Variants in SH3RF3 observed in about 807,000 individuals in gnomAD.
SH3RF3 encodes the protein E3 ubiquitin-protein ligase SH3RF3.
A neutral mutation model predicts 66.3 loss-of-function variants in SH3RF3; 29 were observed. That is an observed-to-expected ratio of 0.44 (90% confidence interval 0.33 to 0.60). SH3RF3 has a LOEUF of 0.60. Among genes scored for constraint, SH3RF3 ranks in the 20% least tolerant of loss-of-function variants. The probability of loss-of-function intolerance (pLI) is 0.04; values close to 1 mark genes in which losing one functional copy is unlikely to be tolerated. For missense variants in SH3RF3, 1,194 were observed against 1,190.9 expected (o/e 1.00, Z -0.04); for synonymous variants, 583 against 532.0 (o/e 1.10, Z -1.32).
intron 5 of SH3RF3, among the ~76,000 whole-genome samples, chr2:109,423,545 G>T (rs1379612244): frequency 6.6e-6 from 1 of 152,208 alleles, no homozygotes; most frequent in African/African-American, 2.4e-5. Context: ...GGCTGGTGCT[G>T]CACTCAGCCT....
chr2:109,271,378 C>T (rs900919231), intron 1 of SH3RF3, among the ~76,000 whole-genome samples: 2 of 152,184 alleles, frequency 1.3e-5, no homozygotes, highest in Admixed American at 1.3e-4. Context: ...AAATCTCAAC[C>T]CAAAAGCTCA....
chr2:109,488,904 G>A (rs535105934), intron 8 of SH3RF3, among the ~76,000 whole-genome samples: 3 of 152,354 alleles, frequency 2.0e-5, no homozygotes, highest in East Asian at 1.9e-4. Flanking sequence ...GCCCAGTAGC[G>A]GAGTCAGGTA....
intron 8 of SH3RF3, among the ~76,000 whole-genome samples, chr2:109,488,681 C>T (rs964744010): frequency 5.9e-5 from 9 of 152,152 alleles, no homozygotes; most frequent in Non-Finnish European, 1.0e-4. Flanking sequence ...CAAGTTGTGC[C>T]GCCAACAAGA....
Position 109,398,542 on chromosome 2 carries a change from A to G in SH3RF3, c.946-48A>G, listed in dbSNP as rs371341519. On this transcript the variant is annotated intron_variant, in intron 3 of 9. Transcript: ENST00000309415. ...GGAGAGTGCAGAGGGCTGGTGTGGC[A>G]TGTGACCATGATTTAATGCAGCCTC... is the stretch of plus-strand genomic sequence containing the variant. The G allele has an allele frequency of 2.0e-5, 29 of 1,473,508 alleles. No homozygotes were observed. The African/African-American group carries it at 3.9e-4, about 20-fold the overall frequency. The allele number at this position is 1,473,508 out of a possible 1,614,324, so 91.3% of individuals were successfully genotyped here.
At chr2:109,158,121 C>G (rs950706462) in intron 1 of SH3RF3, among the ~76,000 whole-genome samples, 3 of 152,104 alleles carry the variant, frequency 2.0e-5, no homozygotes, top group Non-Finnish European at 2.9e-5. Context: ...GGTCCCATAG[C>G]TAGTAAGGTG....
At chr2:109,222,161 C>CAG (rs57580141) in intron 1 of SH3RF3, among the ~76,000 whole-genome samples, 24,589 of 152,030 alleles carry the variant, frequency 0.16, 3,935 homozygotes, top group African/African-American at 0.4. Flanking sequence ...CGCATGAAGA[C>CAG]AGAGTAGAGT....
rs78313179 is a variant in SH3RF3, at chr2:109,442,305, C to T, written c.1828+5159C>T. Among the ~76,000 whole-genome samples the T allele has an allele frequency of 3.8e-3, 515 of 136,244 alleles. 19 individuals carry two copies. The East Asian group carries it at 0.066, about 18-fold the overall frequency. 89.4% of individuals were successfully genotyped at this position (136,244 alleles called of 152,430 possible). ...CAGCCTGGGCAACGGAGTGAGACTC[C>T]ACCTCAAAAAAAAAAAAAAAAGAAA... On this transcript the variant is annotated intron_variant, in intron 7 of 9. Coordinates refer to ENST00000309415, the MANE Select transcript of SH3RF3 (RefSeq NM_001099289.3).
chr2:109,392,888 G>A (rs1676041457), intron 3 of SH3RF3, among the ~76,000 whole-genome samples: 1 of 152,164 alleles, frequency 6.6e-6, no homozygotes. Context: ...AAAGGCTCTT[G>A]GAATGTTCCA....
chr2:109,267,329 AC>A (rs1205608363), intron 1 of SH3RF3, among the ~76,000 whole-genome samples: 1 of 152,144 alleles, frequency 6.6e-6, no homozygotes, highest in Non-Finnish European at 1.5e-5. Context: ...ACACAAGCAT[AC>A]CAGGGGAAGA....
At chr2:109,498,938 G>A (rs951349624) in intron 9 of SH3RF3, among the ~76,000 whole-genome samples, 12 of 152,212 alleles carry the variant, frequency 7.9e-5, no homozygotes, top group Non-Finnish European at 1.3e-4. Context: ...TCGCTAGGGC[G>A]CGGCAGGGCA....
At chr2:109,352,701 C>T (rs1682867037) in intron 2 of SH3RF3, among the ~76,000 whole-genome samples, 1 of 152,270 alleles carries the variant, frequency 6.6e-6, no homozygotes, top group South Asian at 2.1e-4. Flanking sequence ...CTCCTTGCTT[C>T]GTGGATTTCT....
chr2:109,150,467 A>G (rs1159564305), intron 1 of SH3RF3, among the ~76,000 whole-genome samples: 2 of 152,234 alleles, frequency 1.3e-5, no homozygotes, highest in Admixed American at 6.5e-5. Context: ...ATTTCTTAGA[A>G]AAATAGTTTT....
chr2:109,210,788 C>A (rs936753643), intron 1 of SH3RF3, among the ~76,000 whole-genome samples: 5 of 152,154 alleles, frequency 3.3e-5, no homozygotes, highest in Non-Finnish European at 7.4e-5. Flanking sequence ...CTGGCAAGCA[C>A]GACCTATTTC....
chr2:109,379,589 A>G (rs915940669), intron 3 of SH3RF3, among the ~76,000 whole-genome samples: 1 of 152,210 alleles, frequency 6.6e-6, no homozygotes, highest in African/African-American at 2.4e-5. Flanking sequence ...GCTGGGGAAG[A>G]TGCAGTTTTG....
At chr2:109,471,512 A>T (rs1573279879) in intron 8 of SH3RF3, among the ~76,000 whole-genome samples, 1 of 152,130 alleles carries the variant, frequency 6.6e-6, no homozygotes, top group African/African-American at 2.4e-5. Flanking sequence ...TCTTTGACAC[A>T]TGGGGATTAC....
At chr2:109,225,587 C>A (rs937726450) in intron 1 of SH3RF3, among the ~76,000 whole-genome samples, 1 of 152,244 alleles carries the variant, frequency 6.6e-6, no homozygotes, top group Non-Finnish European at 1.5e-5. Flanking sequence ...GCTCCACGTT[C>A]CTCTCTGGGA....
intron 5 of SH3RF3, 42 bp downstream of exon 5, chr2:109,419,684 C>G: frequency 1.3e-6 from 2 of 1,531,380 alleles, no homozygotes; most frequent in South Asian, 1.2e-5. Flanking sequence ...GTGCCTGCAG[C>G]CCTCCCTCCT....
intron 1 of SH3RF3, among the ~76,000 whole-genome samples, chr2:109,195,311 T>C (rs1678470242): frequency 6.6e-6 from 1 of 152,096 alleles, no homozygotes; most frequent in Non-Finnish European, 1.5e-5. Context: ...TGGCAGGCAG[T>C]TCCTGGGAGG....
chr2:109,290,146 G>A (rs543574279), intron 1 of SH3RF3, among the ~76,000 whole-genome samples: 8 of 152,336 alleles, frequency 5.3e-5, no homozygotes, highest in African/African-American at 1.9e-4. Context: ...GACCAAAGTT[G>A]CATGGTCCTG....
Sources: gnomAD v4.1 joint callset for allele counts (sites outside exome capture counted in the v4.1 genomes callset) on GRCh38, gnomAD v4.1.1 for gene constraint, MANE v1.5 for transcripts, NCBI Gene and HGNC (gene_info 2026-07-23, HGNC 2026-07-21) for gene names.